GSE1: variants seen among roughly 807,000 people sequenced by gnomAD.
GSE1 encodes the protein genetic suppressor element 1.
In GSE1, 32 loss-of-function variants were observed where a neutral mutation model predicts 112.6. The ratio of observed to expected loss-of-function variants is 0.28; its 90% confidence interval spans 0.21 to 0.38. The LOEUF (loss-of-function observed/expected upper bound fraction) is 0.38, where lower values mean the gene tolerates loss of function less well. GSE1 is among the 10% of genes least tolerant of loss of function. The pLI, the probability that GSE1 is intolerant of heterozygous loss-of-function variation, is 1.00. For synonymous variants in GSE1, 1,115 were observed against 735.6 expected (o/e 1.52, Z -8.35); for missense variants, 2,348 against 1,699.2 (o/e 1.38, Z -6.71).
At chr16:85,337,455 G>T (rs372247955) in intron 1 of GSE1, among the ~76,000 whole-genome samples, 13 of 151,844 alleles carry the variant, frequency 8.6e-5, no homozygotes, top group Admixed American at 2.0e-4. Context: ...ACAGGCGCCC[G>T]CCACCACGCC....
chr16:85,388,492 GTGGA>G (rs1258045810), intron 2 of GSE1, among the ~76,000 whole-genome samples: 20 of 78,806 alleles, frequency 2.5e-4, no homozygotes, highest in East Asian at 9.0e-4. Context: ...GGGTGGGTGG[GTGGA>G]TGGATGGATG....
At chr16:85,530,710 G>C (rs1001968065) in intron 2 of GSE1, among the ~76,000 whole-genome samples, 2 of 152,204 alleles carry the variant, frequency 1.3e-5, no homozygotes, top group African/African-American at 4.8e-5. Flanking sequence ...GCACCCAGCC[G>C]GGGAATCCAA....
chr16:85,555,885 C>G, upstream of GSE1: 1 of 832,602 alleles, frequency 1.2e-6, no homozygotes, highest in Non-Finnish European at 1.4e-6. Flanking sequence ...TTTCATCACC[C>G]TCACCTCCCC....
intron 1 of GSE1, among the ~76,000 whole-genome samples, chr16:85,624,045 C>T (rs2048908303): frequency 6.6e-6 from 1 of 152,208 alleles, no homozygotes; most frequent in Non-Finnish European, 1.5e-5. Flanking sequence ...CAGCCTCCTC[C>T]ACACTGGGGA....
intron 1 of GSE1, among the ~76,000 whole-genome samples, chr16:85,202,945 G>A (rs74031726): frequency 1.3e-5 from 2 of 148,230 alleles, no homozygotes; most frequent in Non-Finnish European, 1.5e-5. Flanking sequence ...CTCTCCCTTC[G>A]CCTCCTCCCC....
chr16:85,644,335 T>A (rs1598536336), intron 2 of GSE1, among the ~76,000 whole-genome samples: 2 of 131,502 alleles, frequency 1.5e-5, no homozygotes, highest in Non-Finnish European at 3.2e-5. Context: ...CAGAGTGAGA[T>A]CCTGTCTCAA....
At chr16:85,170,637 C>T (rs542620495) in exon 1 of GSE1, 4 of 985,520 alleles carry the variant, frequency 4.1e-6, no homozygotes. Context: ...GCTGCTACAT[C>T]TGCGGGGCCC....
intron 1 of GSE1, among the ~76,000 whole-genome samples, chr16:85,291,550 C>T (rs924571231): frequency 1.3e-5 from 2 of 152,088 alleles, no homozygotes; most frequent in African/African-American, 4.8e-5. Flanking sequence ...GGGCAGACTT[C>T]CCCACAGGGC....
At chr16:85,556,661 G>A (rs1268819957) in intron 1 of GSE1, among the ~76,000 whole-genome samples, 4 of 150,444 alleles carry the variant, frequency 2.7e-5, no homozygotes, top group Non-Finnish European at 5.9e-5. Context: ...GCGGCGGAGC[G>A]AGCGGCCGAG....
rs574345424 is a variant in GSE1 at position 85,642,537 on chromosome 16, C to G, written c.227-6015C>G. On this transcript the variant is annotated intron_variant, in intron 2 of 15. Coordinates refer to ENST00000253458, the MANE Select transcript of GSE1 (RefSeq NM_014615.5). Reference sequence around the variant, plus strand: ...CGCTCACCCATCTGTTCAAGCTGCCCCTCACCTGTGTCTCCATCGGCAGCA... The same window carrying G: ...CGCTCACCCATCTGTTCAAGCTGCCGCTCACCTGTGTCTCCATCGGCAGCA... Among the ~76,000 whole-genome samples the G allele has an allele frequency of 7.4e-4, 112 of 152,330 alleles. 1 individual carries two copies. The Middle Eastern group carries it at 0.017, about 23-fold the overall frequency.
intron 2 of GSE1, among the ~76,000 whole-genome samples, chr16:85,546,625 A>G (rs1265914213): frequency 6.6e-6 from 1 of 152,206 alleles, no homozygotes; most frequent in Non-Finnish European, 1.5e-5. Flanking sequence ...TATTCATAAC[A>G]AAGACCTAGG....
chr16:85,672,193 C>T (rs1390719535), intron 15 of GSE1: 1 of 565,752 alleles, frequency 1.8e-6, no homozygotes, highest in Non-Finnish European at 3.3e-6. Flanking sequence ...TGGGGTTTCC[C>T]CATGTTGGCC....
chr16:85,574,083 C>T (rs542474982), intron 1 of GSE1, among the ~76,000 whole-genome samples: 5 of 152,266 alleles, frequency 3.3e-5, no homozygotes, highest in African/African-American at 9.6e-5. Flanking sequence ...CCAGGCCTCC[C>T]GTCTGGTCCT....
chr16:85,318,328 G>T (rs1328691445), intron 1 of GSE1, among the ~76,000 whole-genome samples: 1 of 152,190 alleles, frequency 6.6e-6, no homozygotes, highest in Admixed American at 6.5e-5. Context: ...CACTGGTGCA[G>T]CTGTGGCTCA....
At chr16:85,588,368 G>C (rs1347853439) in intron 1 of GSE1, among the ~76,000 whole-genome samples, 1 of 152,108 alleles carries the variant, frequency 6.6e-6, no homozygotes, top group Non-Finnish European at 1.5e-5. Flanking sequence ...TGCGGGCCTT[G>C]GGGGGCCCGT....
At chr16:85,433,743 A>T (rs2151764980) in intron 2 of GSE1, among the ~76,000 whole-genome samples, 1 of 152,192 alleles carries the variant, frequency 6.6e-6, no homozygotes, top group Admixed American at 6.5e-5. Context: ...GGTCAGATGG[A>T]TCAATGGATG....
At chr16:85,535,571 C>T (rs563805552) in intron 2 of GSE1, among the ~76,000 whole-genome samples, 1 of 152,200 alleles carries the variant, frequency 6.6e-6, no homozygotes, top group Non-Finnish European at 1.5e-5. Context: ...AAAGCCACCG[C>T]GGCCCTCTGG....
intron 2 of GSE1, among the ~76,000 whole-genome samples, chr16:85,455,840 A>G (rs1184339924): frequency 6.6e-6 from 1 of 152,226 alleles, no homozygotes; most frequent in African/African-American, 2.4e-5. Context: ...TCACGCCTGC[A>G]TGGAGCCCAT....
At chr16:85,577,059 C>G (rs562938726) in intron 1 of GSE1, among the ~76,000 whole-genome samples, 8 of 151,862 alleles carry the variant, frequency 5.3e-5, no homozygotes, top group Admixed American at 1.3e-4. Flanking sequence ...CCAGGGGCAT[C>G]ACAGTCAGGA....
Sources: gnomAD v4.1 joint callset for allele counts (sites outside exome capture counted in the v4.1 genomes callset) on GRCh38, gnomAD v4.1.1 for gene constraint, MANE v1.5 for transcripts, NCBI Gene and HGNC (gene_info 2026-07-23, HGNC 2026-07-21) for gene names.